TNKS: variants seen among roughly 807,000 people sequenced by gnomAD.
TNKS encodes the protein poly [ADP-ribose] polymerase tankyrase-1.
In TNKS, 72 loss-of-function variants were observed where a neutral mutation model predicts 135.8. The observed-to-expected ratio is 0.53, with a 90% CI of 0.44 to 0.64. The LOEUF (loss-of-function observed/expected upper bound fraction) is 0.64, where lower values mean the gene tolerates loss of function less well. TNKS is among the 30% of genes least tolerant of loss of function. TNKS has a pLI of 0.00. For synonymous variants in TNKS, 849 were observed against 649.3 expected (o/e 1.31, Z -4.68); for missense variants, 1,769 against 1,674.0 (o/e 1.06, Z -0.99).
chr8:9,771,079 A>G (rs1208063317), intron 26 of TNKS, among the ~76,000 whole-genome samples: 2 of 152,086 alleles, frequency 1.3e-5, no homozygotes, highest in African/African-American at 4.8e-5. Context: ...TTTATGGGTA[A>G]GTAGTAATAT....
intron 22 of TNKS, among the ~76,000 whole-genome samples, chr8:9,763,807 C>CA (rs1362836639): frequency 6.6e-6 from 1 of 152,172 alleles, no homozygotes; most frequent in Non-Finnish European, 1.5e-5. Flanking sequence ...TATGCATAAA[C>CA]AAACAGCCTA....
chr8:9,680,090 G>T, intron 4 of TNKS, 103 bp downstream of exon 4: 1 of 816,182 alleles, frequency 1.2e-6, no homozygotes, highest in Non-Finnish European at 2.1e-6. Context: ...GTCTTGCTTG[G>T]ATTTTATGCA....
At chr8:9,594,373 A>T (rs988817777) in intron 2 of TNKS, among the ~76,000 whole-genome samples, 2 of 152,204 alleles carry the variant, frequency 1.3e-5, no homozygotes, top group Non-Finnish European at 2.9e-5. Context: ...ATTAAATTAA[A>T]ATCAATTACA....
Position 9,681,721 on chromosome 8 carries a change from T to A in TNKS, c.1107+921T>A, listed in dbSNP as rs1802789482. 2.0e-5 allele frequency among the ~76,000 whole-genome samples: 3 copies of A among 152,106 alleles called. No homozygotes were observed. The South Asian group carries it at 6.2e-4, about 31-fold the overall frequency. ...CAGGATGGATGGTACCCCTTAGAAATAATAAATTATTTTGCTTTTAAAAAA... is the reference window on the plus strand; with the variant it reads ...CAGGATGGATGGTACCCCTTAGAAAAAATAAATTATTTTGCTTTTAAAAAA... On this transcript the variant is annotated intron_variant, in intron 5 of 26. Transcript: ENST00000310430.
At chr8:9,735,207 A>G in intron 16 of TNKS, 123 bp downstream of exon 16, 2 of 1,134,012 alleles carry the variant, frequency 1.8e-6, no homozygotes, top group Non-Finnish European at 1.2e-6. Flanking sequence ...CTTGATTGAC[A>G]TAGTTTTGTA....
intron 2 of TNKS, among the ~76,000 whole-genome samples, chr8:9,610,534 T>C (rs1009317467): frequency 2.0e-5 from 3 of 152,088 alleles, no homozygotes; most frequent in Non-Finnish European, 4.4e-5. Context: ...ATCTTATACA[T>C]TGAAGGCTGT....
intron 5 of TNKS, among the ~76,000 whole-genome samples, chr8:9,703,522 T>A (rs1445266020): frequency 1.3e-5 from 2 of 152,212 alleles, no homozygotes; most frequent in African/African-American, 4.8e-5. Flanking sequence ...GTTTCCTGAC[T>A]TCCTGTTCAG....
At chr8:9,675,742 C>G (rs767405497) in intron 3 of TNKS, among the ~76,000 whole-genome samples, 10 of 152,072 alleles carry the variant, frequency 6.6e-5, no homozygotes, top group Non-Finnish European at 1.2e-4. Context: ...TTCCAGAACT[C>G]AGATTTGTTA....
intron 5 of TNKS, among the ~76,000 whole-genome samples, chr8:9,700,218 C>G (rs1563175900): frequency 6.6e-6 from 1 of 152,126 alleles, no homozygotes; most frequent in Non-Finnish European, 1.5e-5. Context: ...TGACTTGACT[C>G]CTTAAAATGT....
chr8:9,637,923 T>C (rs1171662011), intron 3 of TNKS, among the ~76,000 whole-genome samples: 1 of 152,188 alleles, frequency 6.6e-6, no homozygotes, highest in African/African-American at 2.4e-5. Context: ...GGTTATACTT[T>C]AATGTGTGCC....
At chr8:9,598,693 C>G (rs1331163268) in intron 2 of TNKS, among the ~76,000 whole-genome samples, 1 of 129,402 alleles carries the variant, frequency 7.7e-6, no homozygotes, top group Non-Finnish European at 1.6e-5. Context: ...AGAGCAAGAC[C>G]TTGTCTAAAA....
chr8:9,600,016 T>C (rs1419689991), intron 2 of TNKS, among the ~76,000 whole-genome samples: 5 of 152,216 alleles, frequency 3.3e-5, no homozygotes. Flanking sequence ...TAATTAAATA[T>C]TTTTTAATAT....
chr8:9,726,728 A>C lies in TNKS; in HGVS notation c.2001+8A>C. 1.1e-5 allele frequency: 17 copies of C among 1,608,482 alleles called. No individual in the cohort carries two copies. Among genetic ancestry groups the C allele is most frequent in the Non-Finnish European group, 1.4e-5 (17 of 1,176,576 alleles). The stretch of plus-strand genomic sequence containing the variant: ...GACTTGGAAACTGTGAAGGTAAGTC[A>C]GTGCCCTTAATATCTGGAATAGCAC... On this transcript the variant is annotated splice_region_variant and intron_variant, in intron 13 of 26. Transcript: ENST00000310430.
chr8:9,710,254 A>C, intron 11 of TNKS, 34 bp downstream of exon 11: 1 of 1,595,952 alleles, frequency 6.3e-7, no homozygotes, highest in South Asian at 1.1e-5. Flanking sequence ...TGCCAGACTC[A>C]GCACTGAGCA....
chr8:9,624,136 A>G (rs1386869011), intron 3 of TNKS, among the ~76,000 whole-genome samples: 2 of 152,242 alleles, frequency 1.3e-5, no homozygotes, highest in African/African-American at 2.4e-5. Flanking sequence ...CCAGGCTTAC[A>G]TCATTAAAAA....
chr8:9,746,501 T>A (rs1361654640), intron 17 of TNKS, among the ~76,000 whole-genome samples: 1 of 152,212 alleles, frequency 6.6e-6, no homozygotes, highest in African/African-American at 2.4e-5. Context: ...CCATTTTTCC[T>A]TTTGTCTCCT....
intron 24 of TNKS, among the ~76,000 whole-genome samples, 160 bp from the exon 25 acceptor site, chr8:9,766,079 A>G (rs1019882293): frequency 1.3e-5 from 2 of 152,218 alleles, no homozygotes; most frequent in African/African-American, 2.4e-5. Context: ...GTAATTTTGT[A>G]CTAGTACATT....
At chr8:9,715,885 G>C (rs1585367321) in intron 11 of TNKS, among the ~76,000 whole-genome samples, 1 of 152,060 alleles carries the variant, frequency 6.6e-6, no homozygotes, top group African/African-American at 2.4e-5. Flanking sequence ...TATCCTTCAT[G>C]TGGCAATTTT....
intron 2 of TNKS, among the ~76,000 whole-genome samples, chr8:9,602,518 T>G (rs926928389): frequency 1.4e-4 from 22 of 152,220 alleles, no homozygotes; most frequent in African/African-American, 4.8e-4. Flanking sequence ...CCACTCAGAT[T>G]AACTGAGGTT....
Sources: gnomAD v4.1 joint callset for allele counts (sites outside exome capture counted in the v4.1 genomes callset) on GRCh38, gnomAD v4.1.1 for gene constraint, MANE v1.5 for transcripts, NCBI Gene and HGNC (gene_info 2026-07-23, HGNC 2026-07-21) for gene names.